GRK6: variants seen among roughly 807,000 people sequenced by gnomAD.
GRK6 encodes G protein-coupled receptor kinase 6.
Under a neutral mutation model 80.8 loss-of-function variants are expected in GRK6, and 37 were observed. The observed-to-expected ratio is 0.46, with a 90% CI of 0.35 to 0.60. The LOEUF (loss-of-function observed/expected upper bound fraction) is 0.60. Ranked by LOEUF, GRK6 falls within the 20% of genes least tolerant of loss-of-function variation. The pLI, the probability that GRK6 is intolerant of heterozygous loss-of-function variation, is 0.00. For missense variants in GRK6, 560 were observed against 784.6 expected (o/e 0.71, Z 3.42); for synonymous variants, 295 against 320.9 (o/e 0.92, Z 0.86).
chr5:177,433,170 T>A lies in GRK6; in HGVS notation c.464T>A (p.Val155Glu), dbSNP rs2127373985. Residue 155 changes from valine to glutamate, a missense_variant, in exon 6 of 16, where the codon GTG becomes GAG. By Grantham distance (121) the Val-to-Glu change is moderately radical. Coordinates refer to ENST00000355472, the MANE Select transcript of GRK6 (RefSeq NM_001004106.3). ...LTRLTHEYLS[V>E]APFADYLDSI... ...AGGCTGACCCACGAGTACCTGAGCG[T>A]GGCCCCTTTTGCCGACTACCTCGAC... is the stretch of plus-strand genomic sequence containing the variant. The A allele has an allele frequency of 6.2e-7, 1 of 1,614,022 alleles. No individual in the cohort carries two copies. Among genetic ancestry groups the A allele is most frequent in the East Asian group, 2.2e-5 (1 of 44,882 alleles).
At chr5:177,434,252 G>A (rs1315078039) in intron 9 of GRK6, 148 bp downstream of exon 9, 11 of 829,782 alleles carry the variant, frequency 1.3e-5, no homozygotes, top group African/African-American at 7.0e-5. Flanking sequence ...TAACTCACAC[G>A]CCAGGCCAAC....
intron 1 of GRK6, among the ~76,000 whole-genome samples, 162 bp downstream of exon 1, chr5:177,427,059 T>C (rs1763701396): frequency 6.6e-6 from 1 of 151,614 alleles, no homozygotes; most frequent in Admixed American, 6.6e-5. Flanking sequence ...GTCTTCCTCC[T>C]CCGCACCTGC....
At chr5:177,439,541 CA>C (rs57996388) in intron 13 of GRK6, among the ~76,000 whole-genome samples, 5,724 of 67,388 alleles carry the variant, frequency 0.085, 155 homozygotes, top group African/African-American at 0.17. Flanking sequence ...ACTCCCATCT[CA>C]AAAAAAAAAA....
In GRK6 at chr5:177,432,008, C is replaced by T; in HGVS notation, c.162C>T (p.His54=). The T allele has an allele frequency of 6.2e-7, 1 of 1,613,298 alleles. No individual in the cohort carries two copies. The highest frequency in any genetic ancestry group is 8.5e-7 in the Non-Finnish European group (1 of 1,179,856). Reference sequence around the variant, plus strand: ...CACTGCCAACAGAGCGTGACTATCACAGCCTGTGCGAGCGGCAGCCCATTG... The same window carrying T: ...CACTGCCAACAGAGCGTGACTATCATAGCCTGTGCGAGCGGCAGCCCATTG... The part of the protein sequence containing the change: ...ELRLSLERDY[H]SLCERQPIGR... The change falls in exon 3 of 16, where the codon CAC becomes CAT. Residue 54 remains histidine (H), a synonymous_variant. Transcript: ENST00000355472.
Position 177,436,461 on chromosome 5 carries a change from C to A in GRK6, c.1335C>A (p.His445Gln). 6.2e-7 allele frequency: 1 copy of A among 1,612,386 alleles called. No individual in the cohort carries two copies. Among genetic ancestry groups the A allele is most frequent in the Non-Finnish European group, 8.5e-7 (1 of 1,179,452 alleles). Reference sequence around the variant, plus strand: ...GCAGTGCCCGCGAGGTGAAGGAGCACCCCCTCTTTAAGAAGCTGAACTTCA... The same window carrying A: ...GCAGTGCCCGCGAGGTGAAGGAGCAACCCCTCTTTAAGAAGCTGAACTTCA... ...RGGSAREVKE[H>Q]PLFKKLNFKR... Residue 445 changes from histidine (H) to glutamine (Q), a missense_variant, in exon 13 of 16, where the codon CAC (histidine) becomes CAA (glutamine). Coordinates refer to ENST00000355472, the MANE Select transcript of GRK6 (RefSeq NM_001004106.3).
chr5:177,430,993 T>A lies in GRK6; in HGVS notation c.148+26T>A, dbSNP rs1398564739. 3.1e-6 allele frequency: 5 copies of A among 1,599,128 alleles called. No individual in the cohort carries two copies. The African/African-American group carries it at 6.7e-5, about 21-fold the overall frequency. Reference sequence around the variant, plus strand: ...GTGAGGCCTGGGCAGAGACTGGGGGTGCTGAGGCGAGGGGCCCTGCTGGGG... The same window carrying A: ...GTGAGGCCTGGGCAGAGACTGGGGGAGCTGAGGCGAGGGGCCCTGCTGGGG... On this transcript the variant is annotated intron_variant, in intron 2 of 15. Coordinates refer to ENST00000355472, the MANE Select transcript of GRK6 (RefSeq NM_001004106.3).
intron 15 of GRK6, 98 bp from the exon 16 acceptor site, chr5:177,441,639 G>C (rs1439567065): frequency 2.0e-6 from 2 of 1,023,798 alleles, no homozygotes; most frequent in Admixed American, 1.7e-5. Flanking sequence ...GCAGCTCCTG[G>C]CCTGCCCTGG....
intron 13 of GRK6, chr5:177,438,503 C>T (rs1764280509): frequency 6.6e-6 from 1 of 152,140 alleles, no homozygotes; most frequent in African/African-American, 2.4e-5. Context: ...AGAGCCATGC[C>T]AAGGTTTGGG....
At chr5:177,434,491 A>G (rs1764051112) in intron 9 of GRK6, among the ~76,000 whole-genome samples, 1 of 152,214 alleles carries the variant, frequency 6.6e-6, no homozygotes, top group African/African-American at 2.4e-5. Context: ...TGCCTGGCAC[A>G]TGGGGCTGGG....
rs766253396 is a variant in GRK6 at position 177,430,927 on chromosome 5, C to A, written c.108C>A (p.Phe36Leu). ...KSKKWRQMLQ[F>L]PHISQCEELR... ...AGAAATGGCGGCAGATGCTCCAGTT[C>A]CCTCACATCAGCCAGTGCGAAGAGC... The change falls in exon 2 of 16, where the codon TTC becomes TTA. Residue 36 changes from phenylalanine (F) to leucine (L), a missense_variant. Physicochemically the swap from Phe to Leu is conservative, Grantham distance 22. Transcript: ENST00000355472. 2.0e-5 allele frequency: 32 copies of A among 1,613,902 alleles called. No homozygotes were observed. The highest frequency in any genetic ancestry group is 2.5e-6 in the Non-Finnish European group (3 of 1,180,010).
chr5:177,432,093 T>C lies in GRK6; in HGVS notation c.247T>C (p.Phe83Leu). 6.2e-7 allele frequency: 1 copy of C among 1,611,216 alleles called. No individual in the cohort carries two copies. The highest frequency in any genetic ancestry group is 8.5e-7 in the Non-Finnish European group (1 of 1,178,640). The change falls in exon 3 of 16, where the codon TTC becomes CTC. Residue 83 changes from phenylalanine (F) to leucine (L), a missense_variant. Transcript: ENST00000355472. ...GCCGGAGCTGAGCCGCTGCGTCGCC[T>C]TCCTGGATGGGGTGGTGAGTGCAGC... ...TRPELSRCVA[F>L]LDGVAEYEVT...
chr5:177,428,209 G>A lies in GRK6; in HGVS notation c.52+1312G>A, dbSNP rs1763747953. On this transcript the variant is annotated intron_variant, in intron 1 of 15. Transcript: ENST00000355472. The surrounding 1 kb of genome is among the most constrained non-coding windows in gnomAD (Gnocchi z 4.1). ...TCTGTTCTGCCTCGTCATCCAACCAGCCAGGGAGGAGGGGTGGGGAGGGCC... is the reference window on the plus strand; with the variant it reads ...TCTGTTCTGCCTCGTCATCCAACCAACCAGGGAGGAGGGGTGGGGAGGGCC... Among the ~76,000 whole-genome samples the A allele has an allele frequency of 6.6e-6, 1 of 152,236 alleles. No individual in the cohort carries two copies. Among genetic ancestry groups the A allele is most frequent in the South Asian group, 2.1e-4 (1 of 4,832 alleles).
At chr5:177,441,409 C>G (rs922958435) in intron 15 of GRK6, 1 of 885,416 alleles carries the variant, frequency 1.1e-6, no homozygotes, top group African/African-American at 1.7e-5. Flanking sequence ...CCCCTTCGAG[C>G]TGCCAGCTTT....
At chr5:177,432,984 C>T (rs970522976) in intron 5 of GRK6, among the ~76,000 whole-genome samples, 163 bp from the exon 6 acceptor site, 2 of 152,238 alleles carry the variant, frequency 1.3e-5, no homozygotes, top group African/African-American at 4.8e-5. Flanking sequence ...CCCACAGCTT[C>T]AGCACAGGCT....
rs1763863412 is a variant in GRK6 at position 177,430,919 on chromosome 5, C to A, written c.100C>A (p.Leu34Ile). 6.2e-7 allele frequency: 1 copy of A among 1,614,046 alleles called. No individual in the cohort carries two copies. The change falls in exon 2 of 16, where the codon CTC becomes ATC. Residue 34 changes from leucine (L) to isoleucine (I), a missense_variant. Physicochemically the swap from Leu to Ile is conservative, Grantham distance 5 (BLOSUM62 2). Around this residue, in one of 3 missense-constraint regions of GRK6, gnomAD observed 189 missense variants for 230.2 expected, o/e 0.82. Transcript: ENST00000355472. ...KGKSKKWRQM[L>I]QFPHISQCEE... Reference sequence around the variant, plus strand: ...CAAAAGCAAGAAATGGCGGCAGATGCTCCAGTTCCCTCACATCAGCCAGTG... The same window carrying A: ...CAAAAGCAAGAAATGGCGGCAGATGATCCAGTTCCCTCACATCAGCCAGTG...
chr5:177,426,040 G>C (rs1054951446), upstream of GRK6, among the ~76,000 whole-genome samples: 11 of 152,244 alleles, frequency 7.2e-5, no homozygotes, highest in African/African-American at 2.7e-4. Flanking sequence ...GGGGCTGGGC[G>C]GGGCGCCTGC....
Position 177,440,990 on chromosome 5 carries a change from C to A in GRK6, c.1614C>A (p.Asp538Glu). ...GLDGSVPPDL[D>E]WKGQPPAPPK... is the part of the protein sequence containing the mutation. ...ATGGCTCAGTTCCCCCAGACCTGGA[C>A]TGGAAGGGCCAGCCACCTGCACCTC... Residue 538 changes from aspartate to glutamate, a missense_variant, in exon 15 of 16, where the codon GAC (aspartate) becomes GAA (glutamate). Asp to Glu is a conservative substitution (Grantham distance 45, BLOSUM62 2). Transcript: ENST00000355472. 1 of 1,614,002 alleles carries A rather than the reference C, an allele frequency of 6.2e-7. No homozygotes were observed. The highest frequency in any genetic ancestry group is 1.1e-5 in the South Asian group (1 of 91,086).
Position 177,436,286 on chromosome 5 carries a change from G to C in GRK6, c.1266+5G>C, listed in dbSNP as rs367817844. ...GCCCGCTCACTTTGCTCACAGGTAC[G>C]GCAGCTCACAGAAGCCTGGCCAGCC... On this transcript the variant is annotated splice_donor_5th_base_variant and intron_variant, in intron 12 of 15. Transcript: ENST00000355472. The C allele has an allele frequency of 1.4e-5, 22 of 1,613,920 alleles. No individual in the cohort carries two copies. The highest frequency in any genetic ancestry group is 1.9e-5 in the Non-Finnish European group (22 of 1,179,944).
At chr5:177,431,118 C>T in intron 2 of GRK6, 151 bp downstream of exon 2, 1 of 658,612 alleles carries the variant, frequency 1.5e-6, no homozygotes, top group Non-Finnish European at 2.6e-6. Context: ...AGCCCAGTTT[C>T]AGTTCCTGGG....
Sources: allele counts gnomAD v4.1 joint callset (sites outside exome capture counted in the v4.1 genomes callset), GRCh38; gene constraint gnomAD v4.1.1; regional missense constraint gnomAD v4.1.1; non-coding constraint Gnocchi (gnomAD v3.1); transcripts MANE v1.5; gene names NCBI Gene and HGNC (gene_info 2026-07-23, HGNC 2026-07-21).